The following IQGAP2 variants were observed in gnomAD, a reference collection of about 807,000 sequenced individuals.
IQGAP2 encodes the protein ras GTPase-activating-like protein IQGAP2.
Under a neutral mutation model 201.3 loss-of-function variants are expected in IQGAP2, and 173 were observed. The observed-to-expected ratio is 0.86, with a 90% CI of 0.76 to 0.98. The LOEUF is 0.98. IQGAP2 is among the 50% of genes least tolerant of loss of function. The probability of loss-of-function intolerance (pLI) is 0.00; values close to 1 mark genes in which losing one functional copy is unlikely to be tolerated. For missense variants in IQGAP2, 1,687 were observed against 1,864.8 expected, an observed-to-expected ratio of 0.90 and a Z score of 1.76; for synonymous variants, 675 against 673.9, an observed-to-expected ratio of 1.00 and a Z score of -0.03.
At chr5:76,436,517 A>ATT (rs1166580477) in intron 1 of IQGAP2, among the ~76,000 whole-genome samples, 8 of 21,048 alleles carry the variant, frequency 3.8e-4, no homozygotes, top group African/African-American at 1.5e-3. Context: ...ATATATATAT[A>ATT]TTTTTTTTTT....
Position 76,504,992 on chromosome 5 carries a change from C to T in IQGAP2, c.146+43323C>T, listed in dbSNP as rs150357288. 4.2e-3 allele frequency among the ~76,000 whole-genome samples: 644 copies of T among 152,240 alleles called. 16 individuals are homozygous for T. Among genetic ancestry groups the T allele is most frequent in the Non-Finnish European group, 2.3e-3 (159 of 68,016 alleles). On this transcript the variant is annotated intron_variant, in intron 2 of 35. Transcript: ENST00000274364. ...ACTTGCTGAAATCCACCCCACCTCC[C>T]CACTGCCCACCATCCTCCTGATTTC...
chr5:76,607,551 T>C (rs913970370), intron 12 of IQGAP2: 4 of 152,232 alleles, frequency 2.6e-5, no homozygotes, highest in Non-Finnish European at 5.9e-5. Flanking sequence ...CAGTGAAGCA[T>C]TTAAAGTCTC....
chr5:76,518,093 A>T (rs1758448060), intron 2 of IQGAP2, among the ~76,000 whole-genome samples: 1 of 152,044 alleles, frequency 6.6e-6, no homozygotes, highest in Non-Finnish European at 1.5e-5. Context: ...AGTAGTTGGG[A>T]CCACCAGGCA....
At chr5:76,703,156 G>T (rs1176653943) in intron 35 of IQGAP2, among the ~76,000 whole-genome samples, 1 of 142,796 alleles carries the variant, frequency 7.0e-6, no homozygotes, top group African/African-American at 2.6e-5. Flanking sequence ...GTGGGGGGAG[G>T]GGGTGGGGGG....
chr5:76,510,554 TAG>T, intron 2 of IQGAP2: 1 of 450,758 alleles, frequency 2.2e-6, no homozygotes, highest in South Asian at 1.6e-5. Flanking sequence ...CGCCAAGGTA[TAG>T]AGTCTCATGG....
intron 4 of IQGAP2, among the ~76,000 whole-genome samples, chr5:76,575,333 C>A (rs930164161): frequency 6.6e-6 from 1 of 152,154 alleles, no homozygotes; most frequent in Non-Finnish European, 1.5e-5. Context: ...CCTTCTCAGG[C>A]CCATGGGACC....
At chr5:76,653,590 G>T (rs1156283738) in intron 18 of IQGAP2, among the ~76,000 whole-genome samples, 4 of 152,078 alleles carry the variant, frequency 2.6e-5, no homozygotes, top group African/African-American at 9.7e-5. Context: ...GACCTCATTT[G>T]TATTTTAAAA....
chr5:76,486,024 C>T (rs1378597360), intron 2 of IQGAP2, among the ~76,000 whole-genome samples: 3 of 152,044 alleles, frequency 2.0e-5, no homozygotes, highest in East Asian at 1.9e-4. Flanking sequence ...ACCTTTTTCT[C>T]CCCTTAAAAA....
chr5:76,535,571 T>C (rs1287501076), intron 2 of IQGAP2, among the ~76,000 whole-genome samples: 1 of 152,214 alleles, frequency 6.6e-6, no homozygotes, highest in Non-Finnish European at 1.5e-5. Context: ...GTGTGATTGC[T>C]ATGCGGCACG....
At position 76,631,852 on chromosome 5, in the gene IQGAP2, TACCCA is replaced by T; in HGVS notation, c.1613-6_1613-2del. 6.5e-7 allele frequency: 1 copy of T among 1,540,996 alleles called. No homozygotes were observed. The highest frequency in any genetic ancestry group is 1.4e-5 in the African/African-American group (1 of 72,138). ...ATTAACAAGAAACTTTTTTTTCAAT[TACCCA>T]GGGGTTACTCTGGTGGTTGATGTTA... On this transcript the variant is annotated splice_acceptor_variant and splice_polypyrimidine_tract_variant and intron_variant, in intron 14 of 35. Coordinates refer to ENST00000274364, the MANE Select transcript of IQGAP2 (RefSeq NM_006633.5). LOFTEE classifies it high-confidence loss of function.
At chr5:76,628,484 C>T (rs1750437072) in intron 14 of IQGAP2, among the ~76,000 whole-genome samples, 1 of 152,182 alleles carries the variant, frequency 6.6e-6, no homozygotes, top group African/African-American at 2.4e-5. Flanking sequence ...GTTTAACCCT[C>T]TGTTTTTAAG....
At chr5:76,432,100 T>A (rs1261506981) in intron 1 of IQGAP2, among the ~76,000 whole-genome samples, 4 of 150,098 alleles carry the variant, frequency 2.7e-5, no homozygotes, top group Admixed American at 1.3e-4. Context: ...TTTATGACTT[T>A]AATGGAATTG....
rs79731076 is a variant in IQGAP2 at position 76,521,991 on chromosome 5, A to G, written c.147-40405A>G. ...ACCAACAGAATCTCTATAAAATCATATATGTTTACAATTAAATCATTCTTA... is the reference window on the plus strand; with the variant it reads ...ACCAACAGAATCTCTATAAAATCATGTATGTTTACAATTAAATCATTCTTA... On this transcript the variant is annotated intron_variant, in intron 2 of 35. Coordinates refer to ENST00000274364, the MANE Select transcript of IQGAP2 (RefSeq NM_006633.5). Among the ~76,000 whole-genome samples, 539 of 152,212 alleles carry G rather than the reference A, an allele frequency of 3.5e-3. 4 individuals carry two copies. Among genetic ancestry groups the G allele is most frequent in the African/African-American group, 0.012 (511 of 41,512 alleles).
At chr5:76,536,728 C>G (rs1426682508) in intron 2 of IQGAP2, among the ~76,000 whole-genome samples, 1 of 151,378 alleles carries the variant, frequency 6.6e-6, no homozygotes, top group African/African-American at 2.4e-5. Flanking sequence ...CCATTGCACT[C>G]CAGCTTGGGC....
At chr5:76,623,153 A>G in intron 13 of IQGAP2, 1 of 1,613,976 alleles carries the variant, frequency 6.2e-7, no homozygotes, top group Non-Finnish European at 8.5e-7. Flanking sequence ...CTACCCCCTG[A>G]GAAAATTGCT....
chr5:76,571,514 A>C (rs1745116787), intron 4 of IQGAP2, among the ~76,000 whole-genome samples: 1 of 152,110 alleles, frequency 6.6e-6, no homozygotes, highest in South Asian at 2.1e-4. Context: ...TCATAATATC[A>C]CTTGTAAAGG....
At chr5:76,450,260 C>T (rs930004287) in intron 1 of IQGAP2, among the ~76,000 whole-genome samples, 1 of 152,190 alleles carries the variant, frequency 6.6e-6, no homozygotes, top group Non-Finnish European at 1.5e-5. Flanking sequence ...ATGTGAACCT[C>T]ACCCACTCTT....
chr5:76,662,260 C>T (rs550413311), intron 21 of IQGAP2, among the ~76,000 whole-genome samples: 163 of 152,310 alleles, frequency 1.1e-3, no homozygotes, highest in South Asian at 8.3e-3. Context: ...GCCACCGGCC[C>T]GTCCTCTCTC....
At chr5:76,600,129 C>G (rs926217336) in intron 10 of IQGAP2, among the ~76,000 whole-genome samples, 1 of 152,038 alleles carries the variant, frequency 6.6e-6, no homozygotes, top group Admixed American at 6.5e-5. Flanking sequence ...GCCTGGGCAA[C>G]AAGAGCCAAA....
Sources: allele counts gnomAD v4.1 joint callset (sites outside exome capture counted in the v4.1 genomes callset), GRCh38; gene constraint gnomAD v4.1.1; transcripts MANE v1.5; gene names NCBI Gene and HGNC (gene_info 2026-07-23, HGNC 2026-07-21).